IGF2BP2: variants seen among roughly 807,000 people sequenced by gnomAD.
IGF2BP2 encodes the protein insulin like growth factor 2 mRNA binding protein 2.
In IGF2BP2, 17 loss-of-function variants were observed where a neutral mutation model predicts 75.8. The ratio of observed to expected loss-of-function variants is 0.22; its 90% CI spans 0.15 to 0.34. The LOEUF (loss-of-function observed/expected upper bound fraction) is 0.34. Among genes scored for constraint, IGF2BP2 ranks in the 10% least tolerant of loss-of-function variants. The probability of loss-of-function intolerance (pLI) is 1.00; values close to 1 mark genes in which losing one functional copy is unlikely to be tolerated. For missense variants in IGF2BP2, 516 were observed against 772.4 expected, an observed-to-expected ratio of 0.67 and a Z score of 3.93; for synonymous variants, 288 against 295.6, an observed-to-expected ratio of 0.97 and a Z score of 0.26.
Position 185,657,271 on chromosome 3 carries a change from C to T in IGF2BP2, c.1386+15G>A. On this transcript the variant is annotated intron_variant, in intron 12 of 15. Coordinates refer to ENST00000382199, the MANE Select transcript of IGF2BP2 (RefSeq NM_006548.6). ...GGTGGTAGAAGGGCCACAGGGCCGT[C>T]AGGAGCAGCCTCACCTTGATAGAGG... The T allele has an allele frequency of 6.3e-7, 1 of 1,594,608 alleles. No individual in the cohort carries two copies. Among genetic ancestry groups the T allele is most frequent in the Non-Finnish European group, 8.6e-7 (1 of 1,163,784 alleles).
At chr3:185,706,279 G>A (rs1212931494) in intron 2 of IGF2BP2, among the ~76,000 whole-genome samples, 7 of 152,232 alleles carry the variant, frequency 4.6e-5, no homozygotes, top group African/African-American at 1.4e-4. Context: ...GCACATGCCT[G>A]TAGTCCTAGC....
At chr3:185,732,909 G>T (rs1444176147) in intron 2 of IGF2BP2, among the ~76,000 whole-genome samples, 1 of 152,106 alleles carries the variant, frequency 6.6e-6, no homozygotes, top group Admixed American at 6.6e-5. Flanking sequence ...CATACCTCAG[G>T]ATGTTACAGC....
chr3:185,688,748 C>A (rs1056277754), intron 6 of IGF2BP2, among the ~76,000 whole-genome samples: 5 of 152,168 alleles, frequency 3.3e-5, no homozygotes, highest in African/African-American at 1.2e-4. Flanking sequence ...ACAACTTGAA[C>A]GTAAGTCTTT....
intron 2 of IGF2BP2, among the ~76,000 whole-genome samples, chr3:185,770,114 G>A (rs1733679451): frequency 6.6e-6 from 1 of 152,158 alleles, no homozygotes; most frequent in Non-Finnish European, 1.5e-5. Context: ...ATGTCCTCAA[G>A]GAAGCAGAAC....
chr3:185,787,999 C>T (rs4481184), intron 2 of IGF2BP2, among the ~76,000 whole-genome samples: 62,125 of 152,066 alleles, frequency 0.41, 14,203 homozygotes, highest in African/African-American at 0.63. Flanking sequence ...CTAGTTAGCA[C>T]GTCAAGATTT....
At chr3:185,646,599 C>T (rs985430798) in intron 15 of IGF2BP2, among the ~76,000 whole-genome samples, 1 of 152,148 alleles carries the variant, frequency 6.6e-6, no homozygotes, top group Non-Finnish European at 1.5e-5. Context: ...GAGAGAAATG[C>T]CGTGAGCATG....
Position 185,805,077 on chromosome 3 carries a change from T to C in IGF2BP2, c.239+18076A>G, listed in dbSNP as rs561653739. On this transcript the variant is annotated intron_variant, in intron 2 of 15. Transcript: ENST00000382199. ...AATGTGATGGAAAATGCTCAACCAT[T>C]TTCATTCCACTTTACGTAGATCCTA... is the stretch of plus-strand genomic sequence containing the variant. Among the ~76,000 whole-genome samples the C allele has an allele frequency of 6.6e-5, 10 of 152,178 alleles. No homozygotes were observed. The East Asian group carries it at 1.4e-3, about 21-fold the overall frequency.
chr3:185,794,626 T>TAAA (rs1210200193), intron 2 of IGF2BP2, among the ~76,000 whole-genome samples: 2 of 144,802 alleles, frequency 1.4e-5, no homozygotes, highest in African/African-American at 5.4e-5. Flanking sequence ...TGGCTTTATT[T>TAAA]GGAGGTCACA....
At position 185,657,482 on chromosome 3, in the gene IGF2BP2, T is replaced by C. The variant is rs959715980; in HGVS notation, c.1270-80A>G. The C allele has an allele frequency of 1.5e-5, 16 of 1,063,364 alleles. No homozygotes were observed. The Admixed American group carries it at 3.0e-4, about 20-fold the overall frequency. The allele number at this position is 1,063,364 out of a possible 1,614,324, so 65.9% of individuals were successfully genotyped here. ...GGCACTCAACAGGTACCAAGCACCT[T>C]ACCATGAACCCCATGGTGGGAAGGC... On this transcript the variant is annotated intron_variant, in intron 11 of 15. Transcript: ENST00000382199.
At chr3:185,675,764 CA>C (rs1719242788) in intron 8 of IGF2BP2, 26 bp downstream of exon 8, 1 of 1,608,994 alleles carries the variant, frequency 6.2e-7, no homozygotes. Context: ...CATTATTGGG[CA>C]TGAGTAATCT....
intron 2 of IGF2BP2, chr3:185,821,212 G>GT (rs1741334561): frequency 8.1e-7 from 1 of 1,231,486 alleles, no homozygotes; most frequent in African/African-American, 1.5e-5. Context: ...CAGAAATGAT[G>GT]TAACTCCTCT....
intron 2 of IGF2BP2, among the ~76,000 whole-genome samples, chr3:185,803,336 G>GC (rs1288728461): frequency 6.6e-6 from 1 of 152,238 alleles, no homozygotes; most frequent in African/African-American, 2.4e-5. Flanking sequence ...GGACAGCAGA[G>GC]CAAGACTCCA....
intron 4 of IGF2BP2, among the ~76,000 whole-genome samples, chr3:185,693,778 G>A (rs1722243347): frequency 6.6e-6 from 1 of 152,152 alleles, no homozygotes. Context: ...TGGGAGTTTG[G>A]AGTTAACAAC....
At position 185,645,942 on chromosome 3, in the gene IGF2BP2, C is replaced by A. The variant is rs567987175; in HGVS notation, c.1708-319G>T. Among the ~76,000 whole-genome samples the A allele has an allele frequency of 1.3e-5, 2 of 152,106 alleles. No homozygotes were observed. The highest frequency in any genetic ancestry group is 6.5e-5 in the Admixed American group (1 of 15,276). The stretch of plus-strand genomic sequence containing the variant: ...GGGGGCCGTGCAGAGTCAGATGCTA[C>A]ACTTGGGCTCCCGTGCTGCTCCCGC... On this transcript the variant is annotated intron_variant, in intron 15 of 15. Coordinates refer to ENST00000382199, the MANE Select transcript of IGF2BP2 (RefSeq NM_006548.6). This position sits in a 1 kb window ranked among gnomAD's most constrained non-coding sequence, Gnocchi z 4.9.
chr3:185,778,013 C>T (rs1366103058), intron 2 of IGF2BP2, among the ~76,000 whole-genome samples: 1 of 151,540 alleles, frequency 6.6e-6, no homozygotes, highest in African/African-American at 2.4e-5. Flanking sequence ...GAGTGAGACT[C>T]CGTCAAAAAA....
Position 185,680,816 on chromosome 3 carries a change from C to A in IGF2BP2, c.813-4903G>T, listed in dbSNP as rs536019278. 1.7e-4 allele frequency among the ~76,000 whole-genome samples: 8 copies of A among 46,610 alleles called. No individual in the cohort carries two copies. In the South Asian group the frequency reaches 7.3e-3, roughly 42 times the overall value. 30.6% of individuals were successfully genotyped at this position (46,610 alleles called of 152,430 possible). A position where few individuals can be genotyped will look rare whatever the true frequency, so the allele number is the denominator to read the frequency against. On this transcript the variant is annotated intron_variant, in intron 7 of 15. Transcript: ENST00000382199. ...TAAAAAATCAATCAATACAATAAAT[C>A]ACATTAACAGAAAGAAGGGGGGGGA...
At chr3:185,800,864 T>C (rs909897311) in intron 2 of IGF2BP2, among the ~76,000 whole-genome samples, 1 of 152,034 alleles carries the variant, frequency 6.6e-6, no homozygotes, top group Non-Finnish European at 1.5e-5. Flanking sequence ...ATTTGACAAA[T>C]GGGATCTAAT....
chr3:185,718,704 A>AAAAAG (rs1333663821), intron 2 of IGF2BP2, among the ~76,000 whole-genome samples: 1 of 151,210 alleles, frequency 6.6e-6, no homozygotes, highest in Non-Finnish European at 1.5e-5. Context: ...AAAAAAAAAA[A>AAAAAG]AAAAGAAAGT....
At chr3:185,672,514 C>T (rs1234969852) in intron 10 of IGF2BP2, 27 bp downstream of exon 10, 1 of 1,584,060 alleles carries the variant, frequency 6.3e-7, no homozygotes, top group Non-Finnish European at 8.6e-7. Flanking sequence ...AGCGCATAAG[C>T]AAACCTCCAC....
Sources: allele counts gnomAD v4.1 joint callset (sites outside exome capture counted in the v4.1 genomes callset), GRCh38; gene constraint gnomAD v4.1.1; non-coding constraint Gnocchi (gnomAD v3.1); transcripts MANE v1.5; gene names NCBI Gene and HGNC (gene_info 2026-07-23, HGNC 2026-07-21).